AQP6: variants seen among roughly 807,000 people sequenced by gnomAD.
AQP6 encodes aquaporin 6.
AQP6 carries 14 observed loss-of-function variants against 16.3 expected under a neutral mutation model. That is an observed-to-expected ratio of 0.86 (90% CI 0.57 to 1.34). The LOEUF is 1.34. Among genes scored for constraint, AQP6 ranks in the 40% most tolerant of loss-of-function variants. The pLI is 0.00. For synonymous variants in AQP6, 178 were observed against 166.8 expected, an observed-to-expected ratio of 1.07 and a Z score of -0.52; for missense variants, 331 against 379.7, an observed-to-expected ratio of 0.87 and a Z score of 1.07.
In AQP6 at chr12:49,977,013, G is replaced by T. The variant is rs754266593; in HGVS notation, c.*1342G>T. The stretch of plus-strand genomic sequence containing the variant: ...AACTTGGGGGTCCTTTCTGGATCTC[G>T]GCTTCTCCAGCTGTAAAATGGACAC... On this transcript the variant is annotated 3_prime_UTR_variant, in exon 4 of 4. Transcript: ENST00000315520. The T allele has an allele frequency of 3.9e-4, 274 of 702,230 alleles. 2 individuals carry two copies. The highest frequency in any genetic ancestry group is 6.0e-5 in the Non-Finnish European group (23 of 384,832). The allele number at this position is 702,230 out of a possible 1,614,324, so 43.5% of individuals were successfully genotyped here. A position where few individuals can be genotyped will look rare whatever the true frequency, so the allele number is the denominator to read the frequency against.
Position 49,976,955 on chromosome 12 carries a change from AG to A in AQP6, c.*1285del. ...CTACCAAAATCTAAGTTGGTTTAAT[AG>A]TTAAAAGCTGCTGTAGATTTATTCT... On this transcript the variant is annotated 3_prime_UTR_variant, in exon 4 of 4. Transcript: ENST00000315520. The A allele has an allele frequency of 1.4e-6, 1 of 700,774 alleles. No individual in the cohort carries two copies. The allele number at this position is 700,774 out of a possible 1,614,324, so 43.4% of individuals were successfully genotyped here. A position where few individuals can be genotyped will look rare whatever the true frequency, so the allele number is the denominator to read the frequency against.
Position 49,975,033 on chromosome 12 carries a change from C to T in AQP6, c.642+207C>T, listed in dbSNP as rs1947561281. 1.4e-6 allele frequency: 2 copies of T among 1,391,206 alleles called. No individual in the cohort carries two copies. Among genetic ancestry groups the T allele is most frequent in the African/African-American group, 2.9e-5 (2 of 68,720 alleles). 86.2% of individuals were successfully genotyped at this position (1,391,206 alleles called of 1,614,324 possible). A position where few individuals can be genotyped will look rare whatever the true frequency, so the allele number is the denominator to read the frequency against. ...GCAGGAGCTGCAGCCTTGGCCCAGA[C>T]TTTTAAGTCCTGGCTGTTTCCTTAT... On this transcript the variant is annotated intron_variant, in intron 3 of 3. Coordinates refer to ENST00000315520, the MANE Select transcript of AQP6 (RefSeq NM_001652.4). This position sits in a 1 kb window ranked among gnomAD's most constrained non-coding sequence, Gnocchi z 4.4.
chr12:49,973,125 CAG>C lies in AQP6; in HGVS notation c.-45_-44del. On this transcript the variant is annotated 5_prime_UTR_variant, in exon 1 of 4. Transcript: ENST00000315520. ...GACAGGAGATCAGAGACCAGAGGAA[CAG>C]AGAAGAGGCCCCAGAGCAAGGCAAG... 6.5e-7 allele frequency: 1 copy of C among 1,546,476 alleles called. No homozygotes were observed. Among genetic ancestry groups the C allele is most frequent in the Non-Finnish European group, 8.7e-7 (1 of 1,146,960 alleles).
intron 2 of AQP6, 114 bp from the exon 3 acceptor site, chr12:49,974,632 T>C (rs1947557857): frequency 4.8e-6 from 7 of 1,448,362 alleles, no homozygotes; most frequent in Non-Finnish European, 6.6e-6. Flanking sequence ...GCCCAGGATA[T>C]GGCACTACAG....
chr12:49,974,946 T>C (rs1947560580), intron 3 of AQP6, 120 bp downstream of exon 3: 81 of 1,460,904 alleles, frequency 5.5e-5, no homozygotes, highest in Non-Finnish European at 7.2e-5. Context: ...TGGCTGAGAC[T>C]TCCTTTCTTT....
intron 1 of AQP6, chr12:49,974,010 A>G (rs1219925320): frequency 1.7e-6 from 2 of 1,171,864 alleles, no homozygotes; most frequent in Non-Finnish European, 2.1e-6. Flanking sequence ...TTTCGTAACC[A>G]TCTGTGTTCC....
chr12:49,974,200 G>C lies in AQP6; in HGVS notation c.403-124G>C, dbSNP rs996258927. On this transcript the variant is annotated intron_variant, in intron 1 of 3. Transcript: ENST00000315520. ...CTCTGCACAGGCCTCCCGAAGTCCT[G>C]AAGCTGGGCGGCAGTGAGGTGTCAC... 7 of 1,412,694 alleles carry C rather than the reference G, an allele frequency of 5.0e-6. No homozygotes were observed. In the African/African-American group the frequency reaches 1.0e-4, roughly 20 times the overall value. The allele number at this position is 1,412,694 out of a possible 1,614,324, so 87.5% of individuals were successfully genotyped here.
In AQP6 at chr12:49,973,249, G is replaced by A; in HGVS notation, c.76G>A (p.Ala26Thr). Residue 26 changes from alanine (A) to threonine (T), a missense_variant, in exon 1 of 4, where the codon GCG becomes ACG. By Grantham distance (58) the Ala-to-Thr change is moderately conservative. Coordinates refer to ENST00000315520, the MANE Select transcript of AQP6 (RefSeq NM_001652.4). ...ACRLWKAISR[A>T]LFAEFLATGL... is the part of the protein sequence containing the mutation. ...CAGGCTTTGGAAAGCCATCAGCAGG[G>A]CGCTGTTTGCAGAGTTCCTGGCCAC... The A allele has an allele frequency of 6.2e-7, 1 of 1,614,018 alleles. No homozygotes were observed.
chr12:49,974,962 T>C, intron 3 of AQP6, 136 bp downstream of exon 3: 10 of 1,448,906 alleles, frequency 6.9e-6, no homozygotes, highest in Non-Finnish European at 5.5e-6. Context: ...TCTTTTCGGC[T>C]TCAGTTGCCC....
At chr12:49,973,777 C>G (rs1006699288) in intron 1 of AQP6, 1 of 1,080,722 alleles carries the variant, frequency 9.3e-7, no homozygotes, top group Non-Finnish European at 1.3e-6. Flanking sequence ...GATAGTGGCG[C>G]GAAGAACAGG....
rs182015080 is a variant in AQP6 at position 49,973,278 on chromosome 12, G to A, written c.105G>A (p.Gly35=). The change falls in exon 1 of 4, where the codon GGG becomes GGA. Residue 35 remains glycine, a synonymous_variant. Coordinates refer to ENST00000315520, the MANE Select transcript of AQP6 (RefSeq NM_001652.4). ...TGTTTGCAGAGTTCCTGGCCACGGG[G>A]CTGTATGTGTTCTTTGGCGTGGGCT... The part of the protein sequence containing the change: ...RALFAEFLAT[G]LYVFFGVGSV... 52 of 1,613,890 alleles carry A rather than the reference G, an allele frequency of 3.2e-5. 1 individual carries two copies. In the East Asian group the frequency reaches 9.4e-4, roughly 29 times the overall value.
intron 1 of AQP6, 149 bp from the exon 2 acceptor site, chr12:49,974,175 C>T: frequency 7.2e-7 from 1 of 1,395,000 alleles, no homozygotes; most frequent in Non-Finnish European, 9.3e-7. Context: ...ATATGGACCC[C>T]TCTGCACAGG....
Position 49,974,424 on chromosome 12 carries a change from C to G in AQP6, c.503C>G (p.Thr168Arg). Reference protein sequence around the residue: ...CVFASTDSRQTSGSPATMIGI... With the variant: ...CVFASTDSRQRSGSPATMIGI... ...TTCGCTTCCACCGACAGCCGTCAGA[C>G]ATCAGGCTCCCCGGCCACCATGATT... Residue 168 changes from threonine to arginine, a missense_variant, in exon 2 of 4, where the codon ACA (threonine) becomes AGA (arginine). Thr to Arg is a moderately conservative substitution (Grantham distance 71). Transcript: ENST00000315520. The G allele has an allele frequency of 1.9e-6, 3 of 1,613,832 alleles. No individual in the cohort carries two copies. The South Asian group carries it at 3.3e-5, about 18-fold the overall frequency.
rs1478650788 is a variant in AQP6 at position 49,977,107 on chromosome 12, GA to G, written c.*1441del. On this transcript the variant is annotated 3_prime_UTR_variant, in exon 4 of 4. Coordinates refer to ENST00000315520, the MANE Select transcript of AQP6 (RefSeq NM_001652.4). ...AATACTTTCAGAAGTTAAAATGCTAGAAAAACAACCCCAATAAATGATGATT... is the reference window on the plus strand; with the variant it reads ...AATACTTTCAGAAGTTAAAATGCTAGAAAACAACCCCAATAAATGATGATT... The G allele has an allele frequency of 1.0e-5, 7 of 690,516 alleles. No homozygotes were observed. The highest frequency in any genetic ancestry group is 1.6e-5 in the Non-Finnish European group (6 of 379,880). 42.8% of individuals were successfully genotyped at this position (690,516 alleles called of 1,614,324 possible).
chr12:49,974,522 G>C, intron 2 of AQP6, 40 bp downstream of exon 2: 2 of 1,561,164 alleles, frequency 1.3e-6, no homozygotes, highest in Non-Finnish European at 8.7e-7. Flanking sequence ...GCACACACCG[G>C]GTCCGTCCCC....
chr12:49,974,457 CTG>C lies in AQP6; in HGVS notation c.539_540del (p.Val180GlyfsTer134). On this transcript the variant is annotated frameshift_variant, in exon 2 of 4. Transcript: ENST00000315520. LOFTEE classifies it high-confidence loss of function. ...TCCCCGGCCACCATGATTGGGATCT[CTG>C]TGGCACTGGGCCACCTCATTGGGGT... The C allele has an allele frequency of 1.2e-6, 2 of 1,611,896 alleles. No individual in the cohort carries two copies. The highest frequency in any genetic ancestry group is 8.5e-7 in the Non-Finnish European group (1 of 1,178,742).
Position 49,976,819 on chromosome 12 carries a change from C to G in AQP6, c.*1148C>G, listed in dbSNP as rs1447646345. 2 of 594,484 alleles carry G rather than the reference C, an allele frequency of 3.4e-6. No individual in the cohort carries two copies. The highest frequency in any genetic ancestry group is 5.9e-6 in the Non-Finnish European group (2 of 336,244). The allele number at this position is 594,484 out of a possible 1,614,324, so 36.8% of individuals were successfully genotyped here. A position where few individuals can be genotyped will look rare whatever the true frequency, so the allele number is the denominator to read the frequency against. ...GGGTCAAAGAAGCCGTCTCCAGGCT[C>G]TCTGTCAGCATTACAGGATCCCCAG... is the stretch of plus-strand genomic sequence containing the variant. On this transcript the variant is annotated 3_prime_UTR_variant, in exon 4 of 4. Coordinates refer to ENST00000315520, the MANE Select transcript of AQP6 (RefSeq NM_001652.4).
At position 49,977,103 on chromosome 12, in the gene AQP6, G is replaced by A. The variant is rs928132707; in HGVS notation, c.*1432G>A. ...GGAAAATACTTTCAGAAGTTAAAAT[G>A]CTAGAAAAACAACCCCAATAAATGA... On this transcript the variant is annotated 3_prime_UTR_variant, in exon 4 of 4. Transcript: ENST00000315520. The A allele has an allele frequency of 8.7e-6, 6 of 691,440 alleles. No individual in the cohort carries two copies. In the Admixed American group the frequency reaches 1.3e-4, roughly 14 times the overall value. The allele number at this position is 691,440 out of a possible 1,614,324, so 42.8% of individuals were successfully genotyped here.
In AQP6 at chr12:49,973,056, A is replaced by G; in HGVS notation, c.-118A>G. The stretch of plus-strand genomic sequence containing the variant: ...AGGTGGGGGCCAGAGAAGCCTCCAC[A>G]GAGAGCAAAAGCCAGGGTCAGCCAG... On this transcript the variant is annotated 5_prime_UTR_variant, in exon 1 of 4. Coordinates refer to ENST00000315520, the MANE Select transcript of AQP6 (RefSeq NM_001652.4). The G allele has an allele frequency of 5.8e-6, 8 of 1,387,608 alleles. No individual in the cohort carries two copies. The highest frequency in any genetic ancestry group is 7.6e-6 in the Non-Finnish European group (8 of 1,051,602). 86.0% of individuals were successfully genotyped at this position (1,387,608 alleles called of 1,614,324 possible).
Sources: gnomAD v4.1 joint callset for allele counts on GRCh38, gnomAD v4.1.1 for gene constraint, Gnocchi (gnomAD v3.1) non-coding constraint, MANE v1.5 for transcripts, NCBI Gene and HGNC (gene_info 2026-07-23, HGNC 2026-07-21) for gene names.